The following AKAP13 variants were observed in gnomAD, a reference collection of about 807,000 sequenced individuals.
AKAP13 encodes A-kinase anchoring protein 13, also known as A-kinase anchor protein 13.
AKAP13 carries 80 observed loss-of-function variants against 264.5 expected under a neutral mutation model. The observed-to-expected ratio is 0.30, with a 90% CI of 0.25 to 0.36. The LOEUF is 0.36. Among genes scored for constraint, AKAP13 ranks in the 10% least tolerant of loss-of-function variants. AKAP13 has a pLI of 1.00. For missense variants in AKAP13, 3,712 were observed against 3,435.2 expected, an observed-to-expected ratio of 1.08 and a Z score of -2.01; for synonymous variants, 1,380 against 1,250.2, an observed-to-expected ratio of 1.10 and a Z score of -2.19.
chr15:85,400,236 T>A (rs904681459), intron 1 of AKAP13, among the ~76,000 whole-genome samples: 4 of 152,136 alleles, frequency 2.6e-5, no homozygotes, highest in Admixed American at 2.0e-4. Context: ...AGTGAGAGCC[T>A]GTCTCTACAA....
chr15:85,450,297 A>AAAACAAG (rs2074038074), intron 1 of AKAP13, among the ~76,000 whole-genome samples: 1 of 151,336 alleles, frequency 6.6e-6, no homozygotes, highest in Non-Finnish European at 1.5e-5. Flanking sequence ...GTTTATTTGG[A>AAAACAAG]TCTTCTCTCT....
intron 17 of AKAP13, among the ~76,000 whole-genome samples, chr15:85,700,251 G>A (rs901219479): frequency 6.6e-6 from 1 of 152,204 alleles, no homozygotes; most frequent in Non-Finnish European, 1.5e-5. Context: ...TTCAGTTAAT[G>A]TAGGAGAATG....
At chr15:85,433,117 G>GTTTTTTTTTTTTTTTTTTTTTTT (rs199655190) in intron 1 of AKAP13, among the ~76,000 whole-genome samples, 5 of 53,244 alleles carry the variant, frequency 9.4e-5, no homozygotes, top group Admixed American at 2.4e-4. Flanking sequence ...CTTCTGTACA[G>GTTTTTTTTTTTTTTTTTTTTTTT]TTTTTTTTTT....
chr15:85,529,740 G>A (rs2077189714), intron 3 of AKAP13, among the ~76,000 whole-genome samples: 1 of 152,166 alleles, frequency 6.6e-6, no homozygotes, highest in Non-Finnish European at 1.5e-5. Context: ...GGACAGTAGG[G>A]TGAGGTACTT....
intron 1 of AKAP13, among the ~76,000 whole-genome samples, chr15:85,477,723 C>G (rs2075219141): frequency 6.7e-6 from 1 of 150,200 alleles, no homozygotes; most frequent in Non-Finnish European, 1.5e-5. Flanking sequence ...CATTTAGCTG[C>G]AACACATTTA....
chr15:85,548,677 C>T (rs1567118602), intron 5 of AKAP13, among the ~76,000 whole-genome samples: 2 of 152,116 alleles, frequency 1.3e-5, no homozygotes, highest in Non-Finnish European at 2.9e-5. Flanking sequence ...ATAATAATGA[C>T]ATCAGTAAAA....
intron 17 of AKAP13, among the ~76,000 whole-genome samples, chr15:85,705,924 A>G (rs990507520): frequency 6.6e-6 from 1 of 152,208 alleles, no homozygotes; most frequent in Admixed American, 6.5e-5. Context: ...ACCTACATAA[A>G]TACTACCATA....
Position 85,730,997 on chromosome 15 carries a change from C to CTTTTTTT in AKAP13, c.7282+308_7282+314dup, listed in dbSNP as rs71468134. On this transcript the variant is annotated intron_variant, in intron 30 of 36. Coordinates refer to ENST00000394518, the MANE Select transcript of AKAP13 (RefSeq NM_007200.5). ...ACTGTTTTTTAATTAGTCACTTATG[C>CTTTTTTT]TTTTTTTTTTTTTTTTTTTTTTTTG... Among the ~76,000 whole-genome samples the CTTTTTTT allele has an allele frequency of 2.7e-3, 156 of 57,422 alleles. 2 individuals carry two copies. Among genetic ancestry groups the CTTTTTTT allele is most frequent in the East Asian group, 4.3e-3 (7 of 1,618 alleles). 37.7% of individuals were successfully genotyped at this position (57,422 alleles called of 152,430 possible). A position where few individuals can be genotyped will look rare whatever the true frequency, so the allele number is the denominator to read the frequency against.
In AKAP13 at chr15:85,581,075, C is replaced by T. The variant is rs1313726807; in HGVS notation, c.3007C>T (p.Pro1003Ser). 5 of 1,613,904 alleles carry T rather than the reference C, an allele frequency of 3.1e-6. No homozygotes were observed. Among genetic ancestry groups the T allele is most frequent in the Non-Finnish European group, 4.2e-6 (5 of 1,179,974 alleles). ...AACTGAACATAACAAGGAAGTGGCC[C>T]CACAAGTCTCACTGCTGACTCAAGG... ...AETEHNKEVA[P>S]QVSLLTQGGA... The change falls in exon 7 of 37, where the codon CCA becomes TCA. Residue 1003 changes from proline to serine, a missense_variant. Transcript: ENST00000394518.
At chr15:85,654,990 C>T (rs1462150324) in intron 10 of AKAP13, among the ~76,000 whole-genome samples, 3 of 151,996 alleles carry the variant, frequency 2.0e-5, no homozygotes, top group African/African-American at 7.3e-5. Context: ...TTAGGCGTTA[C>T]AGACCAGCCT....
chr15:85,613,486 C>G (rs2080768828), intron 8 of AKAP13, among the ~76,000 whole-genome samples: 1 of 151,780 alleles, frequency 6.6e-6, no homozygotes, highest in Non-Finnish European at 1.5e-5. Context: ...TCGAGACCAT[C>G]CTGGCTAACA....
intron 1 of AKAP13, among the ~76,000 whole-genome samples, chr15:85,478,204 G>C (rs62022114): frequency 6.6e-6 from 1 of 152,174 alleles, no homozygotes; most frequent in South Asian, 2.1e-4. Flanking sequence ...CAATAACTTA[G>C]TACATGTAAT....
chr15:85,569,946 G>A (rs1304966065), intron 5 of AKAP13, among the ~76,000 whole-genome samples: 2 of 151,818 alleles, frequency 1.3e-5, no homozygotes, highest in African/African-American at 2.4e-5. Flanking sequence ...GCATGGTGGC[G>A]GGCGCCTGTA....
At chr15:85,436,751 A>G (rs10431833) in intron 1 of AKAP13, among the ~76,000 whole-genome samples, 3 of 151,830 alleles carry the variant, frequency 2.0e-5, no homozygotes, top group Admixed American at 6.6e-5. Flanking sequence ...CAGAAATAAA[A>G]ATGTTCTTTG....
intron 8 of AKAP13, among the ~76,000 whole-genome samples, chr15:85,628,784 A>G (rs2081553771): frequency 6.6e-6 from 1 of 152,254 alleles, no homozygotes; most frequent in South Asian, 2.1e-4. Flanking sequence ...GTCTAAATCA[A>G]CAATGACTGT....
intron 1 of AKAP13, among the ~76,000 whole-genome samples, chr15:85,399,527 A>ATAAATAAAT (rs2071310375): frequency 8.7e-6 from 1 of 114,740 alleles, no homozygotes; most frequent in African/African-American, 3.6e-5. Flanking sequence ...AAAAAATAAA[A>ATAAATAAAT]AAATAAAAAA....
intron 17 of AKAP13, among the ~76,000 whole-genome samples, chr15:85,706,481 A>G (rs896216250): frequency 5.9e-5 from 9 of 152,154 alleles, no homozygotes; most frequent in Non-Finnish European, 1.3e-4. Context: ...AATTTTATAG[A>G]TGAGGAAACG....
At chr15:85,426,648 G>C (rs770630116) in intron 1 of AKAP13, among the ~76,000 whole-genome samples, 4 of 152,154 alleles carry the variant, frequency 2.6e-5, no homozygotes, top group Non-Finnish European at 4.4e-5. Context: ...TTGGAAGATG[G>C]TATGTGATAG....
intron 8 of AKAP13, among the ~76,000 whole-genome samples, chr15:85,598,977 T>G (rs2079938478): frequency 6.6e-6 from 1 of 152,262 alleles, no homozygotes; most frequent in Non-Finnish European, 1.5e-5. Context: ...AAACAGTTCC[T>G]GTCCCTATTA....
Sources: allele counts gnomAD v4.1 joint callset (sites outside exome capture counted in the v4.1 genomes callset), GRCh38; gene constraint gnomAD v4.1.1; transcripts MANE v1.5; gene names NCBI Gene and HGNC (gene_info 2026-07-23, HGNC 2026-07-21).